Variants in ATRN observed in about 807,000 individuals in gnomAD.
ATRN encodes the protein attractin.
In ATRN, 54 loss-of-function variants were observed where a neutral mutation model predicts 178.7. The ratio of observed to expected loss-of-function variants is 0.30; its 90% CI spans 0.24 to 0.38. The LOEUF (loss-of-function observed/expected upper bound fraction) is 0.38, where lower values mean the gene tolerates loss of function less well. ATRN is among the 10% of genes least tolerant of loss of function. The probability of loss-of-function intolerance (pLI) is 1.00; values close to 1 mark genes in which losing one functional copy is unlikely to be tolerated. For missense variants in ATRN, 1,443 were observed against 1,815.1 expected (o/e 0.79, Z 3.73); for synonymous variants, 636 against 663.0 (o/e 0.96, Z 0.63).
rs992393648 is a variant in ATRN at position 3,563,490 on chromosome 20, A to G, written c.1786+127A>G. The G allele has an allele frequency of 1.1e-5, 10 of 928,472 alleles. No homozygotes were observed. In the African/African-American group the frequency reaches 1.7e-4, roughly 15 times the overall value. 57.5% of individuals were successfully genotyped at this position (928,472 alleles called of 1,614,324 possible). On this transcript the variant is annotated intron_variant, in intron 10 of 28. Coordinates refer to ENST00000262919, the MANE Select transcript of ATRN (RefSeq NM_139321.3). Reference sequence around the variant, plus strand: ...GCCATTTGAAAGAGGTCCAAATGGTATTTTTTATATTCATTTGACTAATGT... The same window carrying G: ...GCCATTTGAAAGAGGTCCAAATGGTGTTTTTTATATTCATTTGACTAATGT...
At chr20:3,587,241 G>A (rs904639297) in intron 18 of ATRN, among the ~76,000 whole-genome samples, 6 of 152,068 alleles carry the variant, frequency 3.9e-5, no homozygotes, top group African/African-American at 1.4e-4. Flanking sequence ...TAAGTTCCAT[G>A]TATCAATGTT....
chr20:3,556,752 T>C (rs1450199088), intron 6 of ATRN, among the ~76,000 whole-genome samples: 2 of 152,206 alleles, frequency 1.3e-5, no homozygotes, highest in Non-Finnish European at 2.9e-5. Flanking sequence ...AAACATAAAA[T>C]TTATGTTTTA....
At chr20:3,605,492 C>T (rs909007124) in intron 24 of ATRN, among the ~76,000 whole-genome samples, 1 of 152,172 alleles carries the variant, frequency 6.6e-6, no homozygotes, top group Admixed American at 6.5e-5. Context: ...GTAGCAAAGA[C>T]ATAGAATCAA....
chr20:3,619,433 C>T lies in ATRN; in HGVS notation c.3802-5078C>T, dbSNP rs760157031. Among the ~76,000 whole-genome samples, 39 of 152,156 alleles carry T rather than the reference C, an allele frequency of 2.6e-4. 1 individual carries two copies. Among genetic ancestry groups the T allele is most frequent in the Non-Finnish European group, 2.6e-4 (18 of 68,046 alleles). ...ACCAGAACGCAAGTCCTGAATGAGG[C>T]CAGAGGCCAATGAAAGGTCCTTTCT... On this transcript the variant is annotated intron_variant, in intron 24 of 28. Coordinates refer to ENST00000262919, the MANE Select transcript of ATRN (RefSeq NM_139321.3).
At chr20:3,627,084 G>A (rs1047557223) in intron 25 of ATRN, among the ~76,000 whole-genome samples, 1 of 152,178 alleles carries the variant, frequency 6.6e-6, no homozygotes, top group Non-Finnish European at 1.5e-5. Context: ...ACTGCGCTCA[G>A]TCAAAATGTA....
chr20:3,596,850 G>A (rs926821256), intron 21 of ATRN, among the ~76,000 whole-genome samples: 9 of 152,170 alleles, frequency 5.9e-5, no homozygotes, highest in Non-Finnish European at 8.8e-5. Context: ...ACCACCTTGA[G>A]GTGAAAGGTG....
chr20:3,611,915 T>C (rs1168352173), intron 24 of ATRN, among the ~76,000 whole-genome samples: 1 of 152,194 alleles, frequency 6.6e-6, no homozygotes, highest in East Asian at 1.9e-4. Context: ...GATGGTACAG[T>C]CACTCTGGAA....
At chr20:3,619,133 C>T (rs1420843120) in intron 24 of ATRN, among the ~76,000 whole-genome samples, 4 of 152,208 alleles carry the variant, frequency 2.6e-5, no homozygotes, top group Admixed American at 2.6e-4. Flanking sequence ...CGGAGCCTGA[C>T]AGGTGCTGCC....
chr20:3,552,539 T>G (rs1189082501), intron 6 of ATRN, among the ~76,000 whole-genome samples: 1 of 152,208 alleles, frequency 6.6e-6, no homozygotes, highest in Non-Finnish European at 1.5e-5. Flanking sequence ...TATTTATGAG[T>G]TATCTCATGC....
In ATRN at chr20:3,646,900, C is replaced by G; in HGVS notation, c.*53C>G. The G allele has an allele frequency of 6.2e-7, 1 of 1,602,922 alleles. No individual in the cohort carries two copies. Among genetic ancestry groups the G allele is most frequent in the Non-Finnish European group, 8.5e-7 (1 of 1,174,090 alleles). The stretch of plus-strand genomic sequence containing the variant: ...CGAGCTAGTGAGTGGCACACCAGAG[C>G]CATCTGCAGGGAAGGGCGTGGCGGG... On this transcript the variant is annotated 3_prime_UTR_variant, in exon 29 of 29. Transcript: ENST00000262919.
chr20:3,491,063 A>G (rs1210083615), intron 1 of ATRN: 2 of 867,236 alleles, frequency 2.3e-6, no homozygotes, highest in Non-Finnish European at 3.8e-6. Flanking sequence ...GCTGCTGGTT[A>G]AAGGAAATGC....
chr20:3,575,309 A>T (rs143514206), intron 12 of ATRN, among the ~76,000 whole-genome samples: 1 of 152,306 alleles, frequency 6.6e-6, no homozygotes, highest in South Asian at 2.1e-4. Flanking sequence ...GCAGGTCTGT[A>T]GTAGCCCAGA....
intron 1 of ATRN, among the ~76,000 whole-genome samples, chr20:3,513,523 A>C (rs1434000778): frequency 6.6e-6 from 1 of 152,172 alleles, no homozygotes; most frequent in Non-Finnish European, 1.5e-5. Context: ...CTTGTAGTAT[A>C]GTCTGAAGTC....
chr20:3,585,796 T>C (rs2086349089), intron 18 of ATRN, among the ~76,000 whole-genome samples: 1 of 152,156 alleles, frequency 6.6e-6, no homozygotes. Flanking sequence ...AATAGACATA[T>C]GTCCAGAGAA....
At chr20:3,603,247 T>C (rs1194908246) in intron 23 of ATRN, among the ~76,000 whole-genome samples, 2 of 152,098 alleles carry the variant, frequency 1.3e-5, no homozygotes, top group Non-Finnish European at 2.9e-5. Flanking sequence ...TCCTCCCTGC[T>C]ACAGTGGGTT....
intron 26 of ATRN, among the ~76,000 whole-genome samples, chr20:3,637,328 C>G (rs765088383): frequency 6.6e-5 from 10 of 152,180 alleles, no homozygotes; most frequent in Non-Finnish European, 1.2e-4. Context: ...ACACCAGCCC[C>G]GGTTTTAAGT....
chr20:3,519,388 A>G (rs1271529224), intron 1 of ATRN, among the ~76,000 whole-genome samples: 1 of 152,232 alleles, frequency 6.6e-6, no homozygotes, highest in Non-Finnish European at 1.5e-5. Context: ...AGAGAGTTAA[A>G]TGTACTTTTT....
At chr20:3,568,298 A>G (rs2086067302) in intron 11 of ATRN, among the ~76,000 whole-genome samples, 1 of 151,798 alleles carries the variant, frequency 6.6e-6, no homozygotes, top group Non-Finnish European at 1.5e-5. Flanking sequence ...TCAAAAAAAA[A>G]AAAAAGAGAA....
chr20:3,631,949 G>T (rs1170743665), intron 25 of ATRN, among the ~76,000 whole-genome samples: 1 of 152,092 alleles, frequency 6.6e-6, no homozygotes, highest in East Asian at 1.9e-4. Flanking sequence ...ACTTCTCATT[G>T]TTAGGGTGGC....
Sources: allele counts gnomAD v4.1 joint callset (sites outside exome capture counted in the v4.1 genomes callset), GRCh38; gene constraint gnomAD v4.1.1; transcripts MANE v1.5; gene names NCBI Gene and HGNC (gene_info 2026-07-23, HGNC 2026-07-21).